DSCAM: variants seen among roughly 807,000 people sequenced by gnomAD.
DSCAM encodes the protein cell adhesion molecule DSCAM.
A neutral mutation model predicts 217.7 loss-of-function variants in DSCAM; 47 were observed. That is an observed-to-expected ratio of 0.22 (90% confidence interval 0.17 to 0.28). The LOEUF is 0.28. Ranked by LOEUF, DSCAM falls within the 10% of genes least tolerant of loss-of-function variation. DSCAM has a pLI of 1.00. For synonymous variants in DSCAM, 1,056 were observed against 1,015.3 expected, an observed-to-expected ratio of 1.04 and a Z score of -0.76; for missense variants, 2,080 against 2,618.3, an observed-to-expected ratio of 0.79 and a Z score of 4.49.
chr21:40,425,762 G>T (rs910756980), intron 3 of DSCAM, among the ~76,000 whole-genome samples: 127 of 147,630 alleles, frequency 8.6e-4, no homozygotes, highest in African/African-American at 3.1e-3. Flanking sequence ...TAATTCTAAA[G>T]AATATATTTA....
At chr21:40,788,324 C>A (rs908533069) in intron 1 of DSCAM, among the ~76,000 whole-genome samples, 1 of 152,022 alleles carries the variant, frequency 6.6e-6, no homozygotes, top group African/African-American at 2.4e-5. Context: ...GGGGTGTGAC[C>A]CTGTCTATCC....
At chr21:40,652,062 A>C (rs2090020298) in intron 3 of DSCAM, among the ~76,000 whole-genome samples, 1 of 151,906 alleles carries the variant, frequency 6.6e-6, no homozygotes, top group South Asian at 2.1e-4. Context: ...AAAAGGTAAA[A>C]GATTATAAAG....
chr21:40,835,877 C>A (rs1034745509), intron 1 of DSCAM, among the ~76,000 whole-genome samples: 1 of 152,154 alleles, frequency 6.6e-6, no homozygotes, highest in South Asian at 2.1e-4. Flanking sequence ...CCCTTATATG[C>A]CAGCTTCTCT....
chr21:40,458,374 T>C (rs1013966058), intron 3 of DSCAM, among the ~76,000 whole-genome samples: 1 of 152,114 alleles, frequency 6.6e-6, no homozygotes, highest in African/African-American at 2.4e-5. Flanking sequence ...TCGAAGAACA[T>C]TTACAAAAGT....
intron 10 of DSCAM, among the ~76,000 whole-genome samples, chr21:40,289,720 C>G (rs553782484): frequency 7.2e-5 from 11 of 152,116 alleles, no homozygotes; most frequent in Admixed American, 7.2e-4. Flanking sequence ...TGTAGGAAAG[C>G]GCATAGTATA....
intron 3 of DSCAM, among the ~76,000 whole-genome samples, chr21:40,459,726 T>C (rs1411291747): frequency 6.6e-6 from 1 of 151,826 alleles, no homozygotes; most frequent in Non-Finnish European, 1.5e-5. Context: ...TCTAGCAAAA[T>C]ATGAAAGATA....
At chr21:40,517,796 CTT>C (rs749584798) in intron 3 of DSCAM, among the ~76,000 whole-genome samples, 1 of 152,138 alleles carries the variant, frequency 6.6e-6, no homozygotes. Flanking sequence ...AGGCTTAACT[CTT>C]GAGGTGGCAG....
chr21:40,387,060 A>G (rs2075092935), intron 3 of DSCAM, among the ~76,000 whole-genome samples: 2 of 152,172 alleles, frequency 1.3e-5, no homozygotes, highest in Admixed American at 6.5e-5. Context: ...AAAACTAATT[A>G]TTTTGAAAAC....
chr21:40,363,048 A>G (rs1035081215), intron 4 of DSCAM, among the ~76,000 whole-genome samples: 3 of 151,990 alleles, frequency 2.0e-5, no homozygotes, highest in African/African-American at 7.3e-5. Context: ...CACCTCAGAC[A>G]TTTCCTGCCT....
intron 3 of DSCAM, among the ~76,000 whole-genome samples, chr21:40,409,232 G>A (rs1406781074): frequency 2.0e-5 from 3 of 152,160 alleles, no homozygotes; most frequent in African/African-American, 7.2e-5. Context: ...ATTTTTAAAT[G>A]TTACATTACA....
At chr21:40,374,399 G>A (rs145529120) in intron 3 of DSCAM, among the ~76,000 whole-genome samples, 10 of 152,194 alleles carry the variant, frequency 6.6e-5, no homozygotes, top group South Asian at 4.1e-4. Flanking sequence ...AAAGGCAACC[G>A]CATATATTAA....
intron 8 of DSCAM, among the ~76,000 whole-genome samples, chr21:40,332,802 C>A (rs1017841305): frequency 1.6e-4 from 25 of 152,220 alleles, no homozygotes; most frequent in African/African-American, 5.8e-4. Context: ...TTATATCAAT[C>A]TTTGAAATAA....
intron 3 of DSCAM, among the ~76,000 whole-genome samples, chr21:40,388,210 T>A (rs1286180813): frequency 6.6e-6 from 1 of 152,194 alleles, no homozygotes; most frequent in Non-Finnish European, 1.5e-5. Flanking sequence ...GAAATTGTAC[T>A]CAATAATGAG....
intron 32 of DSCAM, among the ~76,000 whole-genome samples, chr21:40,029,739 A>C (rs1192053087): frequency 6.6e-6 from 1 of 152,110 alleles, no homozygotes; most frequent in Non-Finnish European, 1.5e-5. Flanking sequence ...GGTATCTGTC[A>C]TGTTGGCTCT....
At chr21:40,458,753 T>C (rs1180953514) in intron 3 of DSCAM, among the ~76,000 whole-genome samples, 1 of 152,148 alleles carries the variant, frequency 6.6e-6, no homozygotes, top group Non-Finnish European at 1.5e-5. Flanking sequence ...TAAGGACAGA[T>C]AATTCATATT....
chr21:40,204,199 G>A (rs547883689), intron 11 of DSCAM, among the ~76,000 whole-genome samples: 4 of 152,300 alleles, frequency 2.6e-5, no homozygotes, highest in South Asian at 2.1e-4. Flanking sequence ...ATTTGTGTGC[G>A]TGTGTGCACA....
chr21:40,263,563 T>C (rs1268853727), intron 11 of DSCAM, among the ~76,000 whole-genome samples: 1 of 152,108 alleles, frequency 6.6e-6, no homozygotes, highest in African/African-American at 2.4e-5. Context: ...AGCAAAAGCA[T>C]TGCTAAGAGG....
chr21:40,470,340 A>C (rs555977857), intron 3 of DSCAM, among the ~76,000 whole-genome samples: 1 of 152,320 alleles, frequency 6.6e-6, no homozygotes, highest in Admixed American at 6.5e-5. Flanking sequence ...CTTGGATCCT[A>C]AACTGTATGC....
Position 40,144,560 on chromosome 21 carries a change from C to G in DSCAM, c.3190G>C (p.Val1064Leu), listed in dbSNP as rs762755396. 1.9e-6 allele frequency: 3 copies of G among 1,614,152 alleles called. No individual in the cohort carries two copies. Among genetic ancestry groups the G allele is most frequent in the South Asian group, 1.1e-5 (1 of 91,078 alleles). ...LNKFTQYGLV[V>L]QACNRAGTGP... ...GTGCCGGCCCGGTTACAGGCCTGCA[C>G]CACCAGGCCGTACTGAGTGAACTTA... The change falls in exon 17 of 33, where the codon GTG becomes CTG. Residue 1064 changes from valine (V) to leucine (L), a missense_variant. Physicochemically the swap from Val to Leu is conservative, Grantham distance 32. This residue lies in a region of DSCAM where 1,144 missense variants were observed against 1,421.1 expected (regional missense o/e 0.81). Coordinates refer to ENST00000400454, the MANE Select transcript of DSCAM (RefSeq NM_001389.5). This position sits in a 1 kb window ranked among gnomAD's most constrained non-coding sequence, Gnocchi z 4.8.
Sources: allele counts gnomAD v4.1 joint callset (sites outside exome capture counted in the v4.1 genomes callset), GRCh38; gene constraint gnomAD v4.1.1; regional missense constraint gnomAD v4.1.1; non-coding constraint Gnocchi (gnomAD v3.1); transcripts MANE v1.5; gene names NCBI Gene and HGNC (gene_info 2026-07-23, HGNC 2026-07-21).